PREP: variants seen among roughly 807,000 people sequenced by gnomAD.
The protein encoded by PREP is prolyl endopeptidase.
PREP carries 29 observed loss-of-function variants against 87.6 expected under a neutral mutation model. The ratio of observed to expected loss-of-function variants is 0.33; its 90% CI spans 0.25 to 0.45. PREP has a LOEUF of 0.45. PREP is among the 20% of genes least tolerant of loss of function. PREP has a pLI of 1.00. For missense variants in PREP, 695 were observed against 886.5 expected (o/e 0.78, Z 2.74); for synonymous variants, 337 against 328.6 (o/e 1.03, Z -0.28).
At chr6:105,307,307 C>T (rs898095904) in intron 10 of PREP, among the ~76,000 whole-genome samples, 1 of 152,028 alleles carries the variant, frequency 6.6e-6, no homozygotes, top group Non-Finnish European at 1.5e-5. Flanking sequence ...ATTATTTGTT[C>T]CTTGTGCTCT....
Position 105,391,034 on chromosome 6 carries a change from TACAC to T in PREP, c.120+6815_120+6818del, listed in dbSNP as rs59538588. Among the ~76,000 whole-genome samples, 547 of 141,388 alleles carry T rather than the reference TACAC, an allele frequency of 3.9e-3. 6 individuals are homozygous for T. Among genetic ancestry groups the T allele is most frequent in the African/African-American group, 0.014 (509 of 36,110 alleles). The allele number at this position is 141,388 out of a possible 152,430, so 92.8% of individuals were successfully genotyped here. The stretch of plus-strand genomic sequence containing the variant: ...TGATTTATCTAAGTCTCTGGTTTTA[TACAC>T]ACACACACACACACACACACACTTT... On this transcript the variant is annotated intron_variant, in intron 2 of 14. Transcript: ENST00000652536.
intron 2 of PREP, among the ~76,000 whole-genome samples, chr6:105,394,268 A>AT (rs1773233880): frequency 6.6e-6 from 1 of 152,238 alleles, no homozygotes; most frequent in African/African-American, 2.4e-5. Context: ...ATCATTCAAA[A>AT]TAACAATTTA....
chr6:105,402,001 G>A (rs1441225240), intron 1 of PREP, among the ~76,000 whole-genome samples: 1 of 152,096 alleles, frequency 6.6e-6, no homozygotes. Context: ...TTCCTAAGTC[G>A]TCAAATTCAC....
At chr6:105,375,344 C>T (rs1242384917) in intron 4 of PREP, among the ~76,000 whole-genome samples, 1 of 152,078 alleles carries the variant, frequency 6.6e-6, no homozygotes, top group Non-Finnish European at 1.5e-5. Context: ...TCTATAAAAC[C>T]AGAAGGTACT....
intron 10 of PREP, among the ~76,000 whole-genome samples, chr6:105,295,434 T>C (rs1357767993): frequency 6.6e-6 from 1 of 152,176 alleles, no homozygotes; most frequent in Non-Finnish European, 1.5e-5. Context: ...TCTCCTATCC[T>C]AGCCAACAAA....
In PREP at chr6:105,296,339, T is replaced by C. The variant is rs117910379; in HGVS notation, c.1318-7445A>G. Among the ~76,000 whole-genome samples the C allele has an allele frequency of 7.0e-3, 1,065 of 152,196 alleles. 8 individuals carry two copies. Among genetic ancestry groups the C allele is most frequent in the Non-Finnish European group, 0.013 (851 of 67,998 alleles). On this transcript the variant is annotated intron_variant, in intron 10 of 14. Transcript: ENST00000652536. ...TATCTTACATTGAAGGGTAGTAACCTTTTTTCTATCATGCTTTGTTTATAT... is the reference window on the plus strand; with the variant it reads ...TATCTTACATTGAAGGGTAGTAACCCTTTTTCTATCATGCTTTGTTTATAT...
chr6:105,310,074 G>C (rs987215523), intron 10 of PREP, among the ~76,000 whole-genome samples: 1 of 152,104 alleles, frequency 6.6e-6, no homozygotes, highest in African/African-American at 2.4e-5. Flanking sequence ...TCTTAGCACA[G>C]CTGTACAAGT....
chr6:105,293,466 CAAT>C (rs1171706751), intron 10 of PREP, among the ~76,000 whole-genome samples: 2 of 151,920 alleles, frequency 1.3e-5, no homozygotes, highest in Non-Finnish European at 2.9e-5. Flanking sequence ...ATAACAAACA[CAAT>C]AATAATGAAA....
At chr6:105,303,517 GA>G (rs909860463) in intron 10 of PREP, among the ~76,000 whole-genome samples, 99 of 144,340 alleles carry the variant, frequency 6.9e-4, no homozygotes, top group East Asian at 2.2e-3. Flanking sequence ...AATCATGACT[GA>G]AAAAAAAAAA....
chr6:105,323,623 G>T (rs771880910), intron 10 of PREP, 42 bp downstream of exon 10: 46 of 1,532,324 alleles, frequency 3.0e-5, no homozygotes, highest in Admixed American at 8.4e-5. Context: ...CTGAAAGTCA[G>T]ACTTCCTAAC....
chr6:105,322,503 G>A lies in PREP; in HGVS notation c.1317+1162C>T, dbSNP rs529064654. On this transcript the variant is annotated intron_variant, in intron 10 of 14. Coordinates refer to ENST00000652536, the MANE Select transcript of PREP (RefSeq NM_002726.5). ...TGACCCTGTATGTCTTCTCGGCCCTGTATGTCTATCAAGAATGTTGTACTT... is the reference window on the plus strand; with the variant it reads ...TGACCCTGTATGTCTTCTCGGCCCTATATGTCTATCAAGAATGTTGTACTT... 1.7e-5 allele frequency: 17 copies of A among 985,628 alleles called. No homozygotes were observed. The African/African-American group carries it at 2.6e-4, about 15-fold the overall frequency. The allele number at this position is 985,628 out of a possible 1,614,324, so 61.1% of individuals were successfully genotyped here.
At chr6:105,295,857 T>G (rs1205757645) in intron 10 of PREP, among the ~76,000 whole-genome samples, 2 of 152,230 alleles carry the variant, frequency 1.3e-5, no homozygotes, top group African/African-American at 2.4e-5. Context: ...TGCCTAATAT[T>G]TCATTCTACA....
In PREP at chr6:105,277,536, T is replaced by TAACAAACA. The variant is rs148443780; in HGVS notation, c.*600_*607dup. On this transcript the variant is annotated 3_prime_UTR_variant, in exon 15 of 15. Coordinates refer to ENST00000652536, the MANE Select transcript of PREP (RefSeq NM_002726.5). Reference sequence around the variant, plus strand: ...CCCCCTCTGACAGCTTCATCACCTCTAACAAACAAACAAACAAGGGAGACA... The same window carrying TAACAAACA: ...CCCCCTCTGACAGCTTCATCACCTCTAACAAACAAACAAACAAACAAACAAGGGAGACA... The TAACAAACA allele has an allele frequency of 2.0e-5, 3 of 152,570 alleles. No homozygotes were observed. The East Asian group carries it at 5.8e-4, about 29-fold the overall frequency. 9.5% of individuals were successfully genotyped at this position (152,570 alleles called of 1,614,324 possible). A position where few individuals can be genotyped will look rare whatever the true frequency, so the allele number is the denominator to read the frequency against.
At chr6:105,325,622 A>C (rs1317618664) in intron 9 of PREP, among the ~76,000 whole-genome samples, 1 of 152,206 alleles carries the variant, frequency 6.6e-6, no homozygotes, top group African/African-American at 2.4e-5. Flanking sequence ...AGGTACTGGC[A>C]CTTAATATAT....
intron 10 of PREP, among the ~76,000 whole-genome samples, chr6:105,317,799 C>T (rs1770914062): frequency 6.6e-6 from 1 of 152,186 alleles, no homozygotes. Context: ...CAGGCAATCC[C>T]TCAGAGTCCA....
rs1769936073 is a variant in PREP at position 105,276,595 on chromosome 6, CAG to C, written c.*1547_*1548del. Among the ~76,000 whole-genome samples, 1 of 152,224 alleles carries C rather than the reference CAG, an allele frequency of 6.6e-6. No individual in the cohort carries two copies. Among genetic ancestry groups the C allele is most frequent in the Admixed American group, 6.5e-5 (1 of 15,278 alleles). On this transcript the variant is annotated 3_prime_UTR_variant, in exon 15 of 15. Coordinates refer to ENST00000652536, the MANE Select transcript of PREP (RefSeq NM_002726.5). ...GTATCTGAGTAGATGGTGATGACGACAGAGTCTCAGCATGCAACACTAGCTAC... is the reference window on the plus strand; with the variant it reads ...GTATCTGAGTAGATGGTGATGACGACAGTCTCAGCATGCAACACTAGCTAC...
Position 105,274,625 on chromosome 6 carries a change from G to A in PREP, c.*3519C>T, listed in dbSNP as rs551119081. On this transcript the variant is annotated 3_prime_UTR_variant, in exon 15 of 15. Coordinates refer to ENST00000652536, the MANE Select transcript of PREP (RefSeq NM_002726.5). ...TACTAAAAATACAAAAAGATTAGCCGGGAATGATGGTATGCGCCTGTAATA... is the reference window on the plus strand; with the variant it reads ...TACTAAAAATACAAAAAGATTAGCCAGGAATGATGGTATGCGCCTGTAATA... Among the ~76,000 whole-genome samples, 3 of 152,080 alleles carry A rather than the reference G, an allele frequency of 2.0e-5. No homozygotes were observed. Among genetic ancestry groups the A allele is most frequent in the Non-Finnish European group, 4.4e-5 (3 of 68,006 alleles).
intron 9 of PREP, among the ~76,000 whole-genome samples, chr6:105,324,687 T>A (rs1187374112): frequency 2.0e-5 from 3 of 152,326 alleles, no homozygotes; most frequent in African/African-American, 7.2e-5. Context: ...CAAACGGTAC[T>A]CCCACAGAGC....
chr6:105,400,764 T>C (rs924094940), intron 1 of PREP, among the ~76,000 whole-genome samples: 1 of 152,178 alleles, frequency 6.6e-6, no homozygotes, highest in Admixed American at 6.5e-5. Flanking sequence ...AAGGCAGAAC[T>C]CCACCAAAAT....
Sources: allele counts gnomAD v4.1 joint callset (sites outside exome capture counted in the v4.1 genomes callset), GRCh38; gene constraint gnomAD v4.1.1; transcripts MANE v1.5; gene names NCBI Gene and HGNC (gene_info 2026-07-23, HGNC 2026-07-21).